The following FBXW7 variants were observed in gnomAD, a reference collection of about 807,000 sequenced individuals.
FBXW7 encodes F-box and WD repeat domain containing 7, also known as F-box/WD repeat-containing protein 7.
FBXW7 carries 11 observed loss-of-function variants against 86.3 expected under a neutral mutation model. That is an observed-to-expected ratio of 0.13 (90% confidence interval 0.08 to 0.21). The LOEUF (loss-of-function observed/expected upper bound fraction) is 0.21, where lower values mean the gene tolerates loss of function less well. Among genes scored for constraint, FBXW7 ranks in the 10% least tolerant of loss-of-function variants. The pLI is 1.00. For missense variants in FBXW7, 488 were observed against 847.4 expected (o/e 0.58, Z 5.27); for synonymous variants, 313 against 297.9 (o/e 1.05, Z -0.52).
At chr4:152,518,506 A>G (rs1748714779) in intron 2 of FBXW7, among the ~76,000 whole-genome samples, 1 of 152,188 alleles carries the variant, frequency 6.6e-6, no homozygotes, top group South Asian at 2.1e-4. Context: ...CATGATGCCC[A>G]GGCTGGTCTC....
At chr4:152,516,515 G>A (rs1748510789) in intron 2 of FBXW7, among the ~76,000 whole-genome samples, 1 of 152,324 alleles carries the variant, frequency 6.6e-6, no homozygotes. Flanking sequence ...CAAAAAGGCT[G>A]GGGACTGCTT....
intron 2 of FBXW7, among the ~76,000 whole-genome samples, chr4:152,428,189 ACTCATGACAAAG>A (rs1739552523): frequency 6.6e-6 from 1 of 152,188 alleles, no homozygotes; most frequent in South Asian, 2.1e-4. Context: ...ACCATACTAA[ACTCATGACAAAG>A]CAGCCTACTG....
At chr4:152,439,266 A>G (rs2126976777) in intron 2 of FBXW7, among the ~76,000 whole-genome samples, 1 of 152,242 alleles carries the variant, frequency 6.6e-6, no homozygotes, top group Admixed American at 6.5e-5. Flanking sequence ...GGCAACTGAT[A>G]AAAACTACAC....
At chr4:152,533,199 A>T (rs1447992601) in intron 2 of FBXW7, among the ~76,000 whole-genome samples, 2 of 152,044 alleles carry the variant, frequency 1.3e-5, no homozygotes, top group Non-Finnish European at 2.9e-5. Context: ...CAAAAAAAAA[A>T]AAAATACCGT....
chr4:152,342,685 G>A (rs963793663), intron 6 of FBXW7, among the ~76,000 whole-genome samples: 2 of 152,146 alleles, frequency 1.3e-5, no homozygotes, highest in African/African-American at 2.4e-5. Flanking sequence ...TCCAGGATTC[G>A]AGTAACTTAT....
chr4:152,390,879 A>C (rs1389711901), intron 4 of FBXW7, among the ~76,000 whole-genome samples: 1 of 151,974 alleles, frequency 6.6e-6, no homozygotes, highest in Non-Finnish European at 1.5e-5. Flanking sequence ...AGCTTTAAAA[A>C]ATTAAGCTAT....
chr4:152,368,019 G>A (rs1467440942), intron 4 of FBXW7, among the ~76,000 whole-genome samples: 3 of 151,798 alleles, frequency 2.0e-5, no homozygotes, highest in African/African-American at 7.3e-5. Flanking sequence ...AAAGGTCTAC[G>A]AAAAAGCTGA....
In FBXW7 at chr4:152,320,763, T is replaced by C. The variant is rs1728508096; in HGVS notation, c.*2118A>G. The C allele has an allele frequency of 6.6e-6, 1 of 152,086 alleles. No individual in the cohort carries two copies. The highest frequency in any genetic ancestry group is 1.5e-5 in the Non-Finnish European group (1 of 68,002). 9.4% of individuals were successfully genotyped at this position (152,086 alleles called of 1,614,324 possible). A position where few individuals can be genotyped will look rare whatever the true frequency, so the allele number is the denominator to read the frequency against. On this transcript the variant is annotated 3_prime_UTR_variant, in exon 14 of 14. Coordinates refer to ENST00000281708, the MANE Select transcript of FBXW7 (RefSeq NM_001349798.2). Reference sequence around the variant, plus strand: ...GTTTGAGTTCTGGCATTCCGCTAGTTCTATGATTTGACAAATTGCCTAACC... The same window carrying C: ...GTTTGAGTTCTGGCATTCCGCTAGTCCTATGATTTGACAAATTGCCTAACC...
At chr4:152,530,841 T>C (rs1749966257) in intron 2 of FBXW7, 1 of 152,258 alleles carries the variant, frequency 6.6e-6, no homozygotes, top group African/African-American at 2.4e-5. Context: ...TGTCTACAGC[T>C]GCTTTCACAC....
At chr4:152,422,887 C>T (rs1352839568) in intron 2 of FBXW7, among the ~76,000 whole-genome samples, 1 of 152,188 alleles carries the variant, frequency 6.6e-6, no homozygotes, top group Non-Finnish European at 1.5e-5. Flanking sequence ...AGAAGAGTTG[C>T]TACTTCTATT....
chr4:152,431,054 C>A (rs1300471315), intron 2 of FBXW7, among the ~76,000 whole-genome samples: 1 of 152,118 alleles, frequency 6.6e-6, no homozygotes, highest in Admixed American at 6.6e-5. Context: ...GAAAATGGAA[C>A]GAGTGTTTCT....
intron 4 of FBXW7, among the ~76,000 whole-genome samples, chr4:152,350,822 G>T (rs1016326400): frequency 6.6e-6 from 1 of 151,794 alleles, no homozygotes; most frequent in African/African-American, 2.4e-5. Context: ...AATTTGAAAA[G>T]CAACAACAGA....
intron 4 of FBXW7, among the ~76,000 whole-genome samples, chr4:152,354,789 C>G (rs1732210915): frequency 6.6e-6 from 1 of 152,068 alleles, no homozygotes; most frequent in African/African-American, 2.4e-5. Context: ...GGGTACTGTC[C>G]TGTAGATCCA....
chr4:152,426,452 C>T (rs1054576386), intron 2 of FBXW7, among the ~76,000 whole-genome samples: 7 of 151,650 alleles, frequency 4.6e-5, no homozygotes, highest in African/African-American at 1.5e-4. Context: ...CGGGTTCAAG[C>T]GATTCTTCTG....
chr4:152,360,852 T>A (rs983580786), intron 4 of FBXW7, among the ~76,000 whole-genome samples: 13 of 147,892 alleles, frequency 8.8e-5, no homozygotes, highest in Admixed American at 2.0e-4. Flanking sequence ...TATATATATA[T>A]AAAATATAGT....
chr4:152,418,373 A>C (rs536055040), intron 2 of FBXW7, among the ~76,000 whole-genome samples: 2 of 152,178 alleles, frequency 1.3e-5, no homozygotes, highest in East Asian at 3.8e-4. Context: ...TTGGATGTAA[A>C]AGGAAAATGA....
chr4:152,357,313 T>A (rs999630790), intron 4 of FBXW7, among the ~76,000 whole-genome samples: 5 of 151,682 alleles, frequency 3.3e-5, no homozygotes, highest in Admixed American at 6.6e-5. Flanking sequence ...ATTACAGAAG[T>A]AGTAGTTTTT....
Position 152,479,543 on chromosome 4 carries a change from G to A in FBXW7, c.-120+55398C>T, listed in dbSNP as rs1161401210. ...CTCATGGCCAGTTTTCTTACAGAAT[G>A]TCCCACATCCTAGATTTGTCTGACT... is the stretch of plus-strand genomic sequence containing the variant. On this transcript the variant is annotated intron_variant, in intron 2 of 13. Transcript: ENST00000281708. Among the ~76,000 whole-genome samples, 3 of 152,086 alleles carry A rather than the reference G, an allele frequency of 2.0e-5. No homozygotes were observed. The East Asian group carries it at 5.8e-4, about 29-fold the overall frequency.
chr4:152,396,582 A>G (rs1736435440), intron 4 of FBXW7, among the ~76,000 whole-genome samples: 1 of 152,032 alleles, frequency 6.6e-6, no homozygotes, highest in African/African-American at 2.4e-5. Context: ...CCACTCAAAG[A>G]AGGAGTCCAT....
Sources: allele counts gnomAD v4.1 joint callset (sites outside exome capture counted in the v4.1 genomes callset), GRCh38; gene constraint gnomAD v4.1.1; transcripts MANE v1.5; gene names NCBI Gene and HGNC (gene_info 2026-07-23, HGNC 2026-07-21).